ATAD2B: variants seen among roughly 807,000 people sequenced by gnomAD.
ATAD2B encodes the protein ATPase family AAA domain containing 2B.
ATAD2B carries 40 observed loss-of-function variants against 167.6 expected under a neutral mutation model. The ratio of observed to expected loss-of-function variants is 0.24; its 90% CI spans 0.19 to 0.31. The LOEUF (loss-of-function observed/expected upper bound fraction) is 0.31, where lower values mean the gene tolerates loss of function less well. Among genes scored for constraint, ATAD2B ranks in the 10% least tolerant of loss-of-function variants. ATAD2B has a pLI of 1.00. For synonymous variants in ATAD2B, 579 were observed against 596.5 expected, an observed-to-expected ratio of 0.97 and a Z score of 0.43; for missense variants, 1,242 against 1,757.2, an observed-to-expected ratio of 0.71 and a Z score of 5.24.
chr2:23,907,568 C>G (rs1701678098), intron 1 of ATAD2B, among the ~76,000 whole-genome samples: 1 of 152,114 alleles, frequency 6.6e-6, no homozygotes, highest in African/African-American at 2.4e-5. Flanking sequence ...GATTCAATGC[C>G]ATCCCTATCA....
the ATAD2B span, among the ~76,000 whole-genome samples, chr2:23,743,350 T>A: frequency 6.6e-6 from 1 of 152,066 alleles, no homozygotes; most frequent in African/African-American, 2.4e-5. Flanking sequence ...GTGGATCATT[T>A]GAGGTCAGGA....
intron 11 of ATAD2B, 92 bp downstream of exon 11, chr2:23,864,717 A>T (rs930562855): frequency 1.0e-5 from 6 of 575,918 alleles, no homozygotes; most frequent in Admixed American, 3.7e-5. Context: ...AAATAAATAT[A>T]TATCAAATAT....
chr2:23,872,195 G>GT, intron 8 of ATAD2B: 1 of 308,420 alleles, frequency 3.2e-6, no homozygotes, highest in Non-Finnish European at 6.4e-6. Flanking sequence ...TTTTATTTTT[G>GT]TTTTTAGATA....
At chr2:23,844,788 AGAG>A (rs1691475020) in intron 13 of ATAD2B, among the ~76,000 whole-genome samples, 1 of 152,188 alleles carries the variant, frequency 6.6e-6, no homozygotes, top group Non-Finnish European at 1.5e-5. Context: ...CCAAAAGGAA[AGAG>A]GAGACAGGAG....
intron 13 of ATAD2B, among the ~76,000 whole-genome samples, chr2:23,840,870 T>C (rs913992016): frequency 6.6e-6 from 1 of 152,184 alleles, no homozygotes; most frequent in African/African-American, 2.4e-5. Flanking sequence ...GTTTTTGTTT[T>C]ACATAGTTTG....
At chr2:23,793,389 A>G (rs1427442056) in intron 19 of ATAD2B, among the ~76,000 whole-genome samples, 1 of 152,158 alleles carries the variant, frequency 6.6e-6, no homozygotes, top group Non-Finnish European at 1.5e-5. Context: ...CCTTCCTACA[A>G]ATATCTCTAA....
At chr2:23,691,655 C>T in the ATAD2B span, 5 of 1,550,606 alleles carry the variant, frequency 3.2e-6, no homozygotes, top group Non-Finnish European at 3.5e-6. Flanking sequence ...GGTAAGGACA[C>T]CCTGGTCTCT....
the ATAD2B span, among the ~76,000 whole-genome samples, chr2:23,679,788 G>A: frequency 2.2e-4 from 34 of 152,344 alleles, no homozygotes; most frequent in East Asian, 5.0e-3. Flanking sequence ...GGCAGAGGGT[G>A]TGGGAGGAAG....
At chr2:23,678,648 G>T in the ATAD2B span, among the ~76,000 whole-genome samples, 1 of 152,190 alleles carries the variant, frequency 6.6e-6, no homozygotes, top group South Asian at 2.1e-4. Context: ...TAGCAAAATG[G>T]TGGCAGCAAC....
chr2:23,688,595 G>A, the ATAD2B span, among the ~76,000 whole-genome samples: 3 of 152,062 alleles, frequency 2.0e-5, no homozygotes, highest in East Asian at 5.8e-4. Context: ...CCTCTCCTGG[G>A]CACCCCCACG....
chr2:23,906,997 T>C (rs201181206), intron 1 of ATAD2B, among the ~76,000 whole-genome samples: 19,094 of 138,432 alleles, frequency 0.14, 1,770 homozygotes, highest in Middle Eastern at 0.22. Flanking sequence ...TATGACACAC[T>C]CACAGCCAAT....
chr2:23,901,823 T>C (rs1472852602), intron 1 of ATAD2B, among the ~76,000 whole-genome samples: 1 of 152,140 alleles, frequency 6.6e-6, no homozygotes, highest in Admixed American at 6.6e-5. Flanking sequence ...TTTCATGGAA[T>C]ATCTGCAGGT....
chr2:23,703,456 CA>C, the ATAD2B span: 106 of 1,298,046 alleles, frequency 8.2e-5, no homozygotes, highest in African/African-American at 1.5e-3. Context: ...ATCCCATGCC[CA>C]GAAGTCAGGC....
intron 1 of ATAD2B, among the ~76,000 whole-genome samples, chr2:23,919,516 C>T (rs1234592636): frequency 1.3e-5 from 2 of 151,942 alleles, no homozygotes; most frequent in African/African-American, 4.8e-5. Flanking sequence ...CACTGCACTC[C>T]AGCCTGGGAG....
At chr2:23,904,665 C>G (rs773881202) in intron 1 of ATAD2B, among the ~76,000 whole-genome samples, 1 of 148,908 alleles carries the variant, frequency 6.7e-6, no homozygotes. Flanking sequence ...CTCAAAGAGA[C>G]AAAGAAAAAA....
the ATAD2B span, among the ~76,000 whole-genome samples, chr2:23,722,993 T>A: frequency 6.6e-6 from 1 of 152,096 alleles, no homozygotes; most frequent in Admixed American, 6.5e-5. Flanking sequence ...AACCATCTGA[T>A]TTAAAAATGG....
At chr2:23,754,127 G>A (rs1675679304) in intron 27 of ATAD2B, 52 bp downstream of exon 27, 1 of 1,397,386 alleles carries the variant, frequency 7.2e-7, no homozygotes, top group African/African-American at 1.5e-5. Flanking sequence ...CTTTTCTTTG[G>A]AACAAGTAAA....
chr2:23,717,910 G>T, the ATAD2B span, among the ~76,000 whole-genome samples: 74 of 152,114 alleles, frequency 4.9e-4, no homozygotes, highest in Admixed American at 2.9e-3. Flanking sequence ...TTTTAGAAAC[G>T]CAGGCTAAAC....
the ATAD2B span, among the ~76,000 whole-genome samples, chr2:23,739,129 T>C: frequency 6.6e-6 from 1 of 152,090 alleles, no homozygotes; most frequent in Admixed American, 6.5e-5. Flanking sequence ...CTGTCAACAT[T>C]AGACAGATCA....
Sources: gnomAD v4.1 joint callset for allele counts (sites outside exome capture counted in the v4.1 genomes callset) on GRCh38, gnomAD v4.1.1 for gene constraint, MANE v1.5 for transcripts, NCBI Gene and HGNC (gene_info 2026-07-23, HGNC 2026-07-21) for gene names.